Variants in PPWD1 observed in about 807,000 individuals in gnomAD.
PPWD1 encodes peptidylprolyl isomerase domain and WD repeat-containing protein 1.
Under a neutral mutation model 68.8 loss-of-function variants are expected in PPWD1, and 43 were observed. The ratio of observed to expected loss-of-function variants is 0.62; its 90% CI spans 0.49 to 0.81. The LOEUF is 0.81. PPWD1 is among the 30% of genes least tolerant of loss of function. The probability of loss-of-function intolerance (pLI) is 0.00; values close to 1 mark genes in which losing one functional copy is unlikely to be tolerated. For missense variants in PPWD1, 672 were observed against 804.8 expected (o/e 0.83, Z 2.00); for synonymous variants, 232 against 258.7 (o/e 0.90, Z 0.99).
At chr5:65,581,501 T>C (rs1312724087) in intron 7 of PPWD1, among the ~76,000 whole-genome samples, 7 of 152,242 alleles carry the variant, frequency 4.6e-5, no homozygotes, top group African/African-American at 2.4e-5. Flanking sequence ...TGGTAGGATC[T>C]CTTGAGCCAA....
intron 6 of PPWD1, among the ~76,000 whole-genome samples, chr5:65,577,985 ATAGAG>A (rs1561728761): frequency 6.6e-6 from 1 of 152,222 alleles, no homozygotes; most frequent in Non-Finnish European, 1.5e-5. Context: ...ATATTATCAT[ATAGAG>A]TAGTTTTACT....
intron 4 of PPWD1, chr5:65,570,277 C>T (rs1752956907): frequency 1.1e-6 from 1 of 902,484 alleles, no homozygotes; most frequent in African/African-American, 1.8e-5. Flanking sequence ...GGAGCTCTGT[C>T]ATATCTAATT....
chr5:65,569,588 T>A lies in PPWD1; in HGVS notation c.300-44T>A, dbSNP rs375281263. On this transcript the variant is annotated intron_variant, in intron 2 of 10. Transcript: ENST00000261308. ...TGCTTTGGGAATACTAAGTGATTCA[T>A]AGATCTGTCTTAGAAATTAACTTTT... The A allele has an allele frequency of 1.5e-4, 228 of 1,513,334 alleles. 1 individual carries two copies. Among genetic ancestry groups the A allele is most frequent in the Non-Finnish European group, 1.0e-4 (115 of 1,112,438 alleles). 93.7% of individuals were successfully genotyped at this position (1,513,334 alleles called of 1,614,324 possible).
intron 10 of PPWD1, among the ~76,000 whole-genome samples, chr5:65,586,880 T>C (rs1336320793): frequency 6.6e-6 from 1 of 152,172 alleles, no homozygotes; most frequent in Admixed American, 6.6e-5. Context: ...AAGTATGTGC[T>C]GCATAAACTA....
In PPWD1 at chr5:65,567,616, G is replaced by T; in HGVS notation, c.299+1G>T. The T allele has an allele frequency of 6.3e-7, 1 of 1,579,638 alleles. No homozygotes were observed. Among genetic ancestry groups the T allele is most frequent in the Non-Finnish European group, 8.6e-7 (1 of 1,162,550 alleles). On this transcript the variant is annotated splice_donor_variant, in intron 2 of 10. Transcript: ENST00000261308. LOFTEE classifies it high-confidence loss of function. ...TTATCACCCATGTGGTATGCACCAA[G>T]TAAGTCTATCACATCTTTTTTACTT...
Position 65,587,253 on chromosome 5 carries a change from C to T in PPWD1, c.1798C>T (p.Pro600Ser). 1.2e-6 allele frequency: 2 copies of T among 1,605,270 alleles called. No individual in the cohort carries two copies. The highest frequency in any genetic ancestry group is 1.1e-5 in the South Asian group (1 of 89,442). The change falls in exon 11 of 11, where the codon CCT (proline) becomes TCT (serine). Residue 600 changes from proline to serine, a missense_variant and splice_region_variant. This residue lies in a region of PPWD1 where 484 missense variants were observed against 646.2 expected (regional missense o/e 0.75). Transcript: ENST00000261308. ...SQFFITVVPTPWLDNKHTVFG... is the reference protein window; with the variant it reads ...SQFFITVVPTSWLDNKHTVFG... ...ATTTTCCATTTGTCCTCCAACACAG[C>T]CTTGGCTTGATAATAAGCATACAGT...
intron 5 of PPWD1, among the ~76,000 whole-genome samples, chr5:65,572,734 A>G (rs1043445036): frequency 1.3e-5 from 2 of 152,232 alleles, no homozygotes; most frequent in African/African-American, 4.8e-5. Flanking sequence ...CAAACCAGAA[A>G]TCTAAGAGTT....
chr5:65,579,716 C>T, intron 7 of PPWD1, 103 bp downstream of exon 7: 1 of 782,360 alleles, frequency 1.3e-6, no homozygotes, highest in Non-Finnish European at 1.8e-6. Context: ...GCACTAATAG[C>T]AGACTTCCTA....
At chr5:65,571,700 T>G (rs968358918) in intron 4 of PPWD1, 139 bp from the exon 5 acceptor site, 11 of 1,367,146 alleles carry the variant, frequency 8.0e-6, no homozygotes, top group Middle Eastern at 2.1e-4. Context: ...CTCCCCATTC[T>G]GTGTCTCTGC....
chr5:65,586,377 T>C, intron 10 of PPWD1, among the ~76,000 whole-genome samples, 196 bp downstream of exon 10: 1 of 152,212 alleles, frequency 6.6e-6, no homozygotes, highest in East Asian at 1.9e-4. Context: ...ATACTGCCAC[T>C]GTAGTAAGAA....
intron 5 of PPWD1, among the ~76,000 whole-genome samples, chr5:65,572,961 TATCTGG>T (rs1208270491): frequency 6.6e-6 from 1 of 152,234 alleles, no homozygotes; most frequent in African/African-American, 2.4e-5. Flanking sequence ...TACAAGCATA[TATCTGG>T]TCATGTCATT....
chr5:65,571,974 CAA>C lies in PPWD1; in HGVS notation c.659_660del (p.Lys220ThrfsTer22), dbSNP rs774153105. 6.2e-7 allele frequency: 1 copy of C among 1,613,938 alleles called. No individual in the cohort carries two copies. The highest frequency in any genetic ancestry group is 1.7e-5 in the Admixed American group (1 of 60,018). On this transcript the variant is annotated frameshift_variant, in exon 5 of 11. Coordinates refer to ENST00000261308, the MANE Select transcript of PPWD1 (RefSeq NM_015342.4). LOFTEE classifies it high-confidence loss of function. ...GDNQPLHIFDKLHTSPLTQIR... is the reference protein window; with the variant it reads ...GDNQPLHIFDXLHTSPLTQIR... Reference sequence around the variant, plus strand: ...ATAACCAGCCACTTCATATTTTTGACAAACTCCATACATCACCTCTTACTCAG... The same window carrying C: ...ATAACCAGCCACTTCATATTTTTGACACTCCATACATCACCTCTTACTCAG...
At chr5:65,584,695 G>GAA (rs1015606827) in intron 8 of PPWD1, among the ~76,000 whole-genome samples, 5 of 151,936 alleles carry the variant, frequency 3.3e-5, no homozygotes, top group African/African-American at 1.2e-4. Context: ...TGTCTCTTAA[G>GAA]AAAAAAACAT....
chr5:65,575,464 ATTTTGATT>A (rs1561727108), intron 5 of PPWD1, among the ~76,000 whole-genome samples: 1 of 152,154 alleles, frequency 6.6e-6, no homozygotes, highest in Non-Finnish European at 1.5e-5. Context: ...CACATACCTC[ATTTTGATT>A]TTTTGAGTTT....
At position 65,585,102 on chromosome 5, in the gene PPWD1, T is replaced by G; in HGVS notation, c.1614+7T>G. On this transcript the variant is annotated splice_region_variant and intron_variant, in intron 9 of 10. Transcript: ENST00000261308. The stretch of plus-strand genomic sequence containing the variant: ...ATTTCACCGTATAATTAAGGTAAGT[T>G]ACATAAATTTCATGTCATATAAGAA... The G allele has an allele frequency of 6.3e-7, 1 of 1,599,794 alleles. No homozygotes were observed. Among genetic ancestry groups the G allele is most frequent in the Non-Finnish European group, 8.6e-7 (1 of 1,168,242 alleles).
At chr5:65,580,271 C>T (rs528126898) in intron 7 of PPWD1, among the ~76,000 whole-genome samples, 2 of 152,190 alleles carry the variant, frequency 1.3e-5, no homozygotes, top group Non-Finnish European at 2.9e-5. Flanking sequence ...AAGACCCAAA[C>T]GTGACTCTTA....
At chr5:65,581,685 T>A (rs1230169541) in intron 7 of PPWD1, among the ~76,000 whole-genome samples, 1 of 152,226 alleles carries the variant, frequency 6.6e-6, no homozygotes, top group African/African-American at 2.4e-5. Flanking sequence ...ATTTTTTCTT[T>A]TCCAAGTTTA....
intron 4 of PPWD1, 179 bp from the exon 5 acceptor site, chr5:65,571,660 G>C (rs975749749): frequency 8.2e-6 from 6 of 730,484 alleles, no homozygotes; most frequent in African/African-American, 1.9e-5. Flanking sequence ...GTCAGAAAGA[G>C]AAAAAATAAG....
intron 2 of PPWD1, among the ~76,000 whole-genome samples, chr5:65,569,187 T>A (rs1752903114): frequency 6.6e-6 from 1 of 152,058 alleles, no homozygotes; most frequent in African/African-American, 2.4e-5. Flanking sequence ...GATACTTAAG[T>A]AACCAAAATA....
Sources: allele counts gnomAD v4.1 joint callset (sites outside exome capture counted in the v4.1 genomes callset), GRCh38; gene constraint gnomAD v4.1.1; regional missense constraint gnomAD v4.1.1; transcripts MANE v1.5; gene names NCBI Gene and HGNC (gene_info 2026-07-23, HGNC 2026-07-21).